GTF2I: variants seen among roughly 807,000 people sequenced by gnomAD.
The protein encoded by GTF2I is general transcription factor II-I.
A neutral mutation model predicts 67.6 loss-of-function variants in GTF2I; 12 were observed. The observed-to-expected ratio is 0.18, with a 90% CI of 0.11 to 0.29. The LOEUF (loss-of-function observed/expected upper bound fraction) is 0.29, where lower values mean the gene tolerates loss of function less well. Ranked by LOEUF, GTF2I falls within the 10% of genes least tolerant of loss-of-function variation. GTF2I has a pLI of 1.00. For synonymous variants in GTF2I, 149 were observed against 197.0 expected, an observed-to-expected ratio of 0.76 and a Z score of 2.04; for missense variants, 271 against 580.1, an observed-to-expected ratio of 0.47 and a Z score of 5.47.
At chr7:74,660,703 C>A (rs1804408324) in intron 1 of GTF2I, among the ~76,000 whole-genome samples, 1 of 147,348 alleles carries the variant, frequency 6.8e-6, no homozygotes, top group Non-Finnish European at 1.5e-5. Context: ...CTCACTGCAA[C>A]CTCCGCCTCC....
rs587641487 is a variant in GTF2I, at chr7:74,691,798, A to G, written c.238+687A>G. 2.0e-5 allele frequency among the ~76,000 whole-genome samples: 3 copies of G among 151,296 alleles called. No homozygotes were observed. In the South Asian group the frequency reaches 6.3e-4, roughly 32 times the overall value. ...TCTTTTTCTTTTTTTTTTTTGAGAC[A>G]GAGTTTCACTCTTGGCCCCCTGGGC... On this transcript the variant is annotated intron_variant, in intron 3 of 34. Transcript: ENST00000573035.
Position 74,657,756 on chromosome 7 carries a change from G to A in GTF2I, c.-318G>A. 6.6e-6 allele frequency: 1 copy of A among 151,656 alleles called. No individual in the cohort carries two copies. Among genetic ancestry groups the A allele is most frequent in the Non-Finnish European group, 1.5e-5 (1 of 68,144 alleles). 9.4% of individuals were successfully genotyped at this position (151,656 alleles called of 1,614,324 possible). A position where few individuals can be genotyped will look rare whatever the true frequency, so the allele number is the denominator to read the frequency against. On this transcript the variant is annotated 5_prime_UTR_variant, in exon 1 of 35. Coordinates refer to ENST00000573035, the MANE Select transcript of GTF2I (RefSeq NM_032999.4). ...GGAGAGCAGAGAAAAGGGGCCACCG[G>A]TCGCCCCCCCGCTTCCCCGCACGCG... is the stretch of plus-strand genomic sequence containing the variant.
intron 8 of GTF2I, among the ~76,000 whole-genome samples, chr7:74,707,031 G>T (rs1211779187): frequency 1.3e-5 from 2 of 152,060 alleles, no homozygotes; most frequent in African/African-American, 2.4e-5. Flanking sequence ...TGTATTTTTA[G>T]TAGCGACGGG....
chr7:74,685,461 C>T (rs1787626409), intron 1 of GTF2I, among the ~76,000 whole-genome samples: 1 of 152,034 alleles, frequency 6.6e-6, no homozygotes, highest in African/African-American at 2.4e-5. Context: ...AGCGCCATTG[C>T]ACTTCAGCCT....
chr7:74,704,110 TCACC>T (rs1790231556), intron 6 of GTF2I, among the ~76,000 whole-genome samples: 1 of 152,194 alleles, frequency 6.6e-6, no homozygotes, highest in East Asian at 1.9e-4. Flanking sequence ...ATAGCAGACA[TCACC>T]TTGTGATATT....
chr7:74,698,483 C>G (rs1191543571), intron 3 of GTF2I, among the ~76,000 whole-genome samples: 1 of 143,126 alleles, frequency 7.0e-6, no homozygotes, highest in Non-Finnish European at 1.5e-5. Context: ...TCGGCCCCAT[C>G]ATAGCTCACT....
intron 1 of GTF2I, among the ~76,000 whole-genome samples, chr7:74,681,450 GAAA>G (rs587675813): frequency 3.3e-5 from 5 of 150,702 alleles, no homozygotes; most frequent in African/African-American, 1.2e-4. Flanking sequence ...TAAAAAAAAA[GAAA>G]AAAAGAAAAA....
intron 1 of GTF2I, among the ~76,000 whole-genome samples, chr7:74,668,018 G>C (rs1805131467): frequency 1.3e-5 from 2 of 151,450 alleles, no homozygotes; most frequent in Admixed American, 1.3e-4. Context: ...ATTTTTAGTA[G>C]AGATGGGGTT....
intron 3 of GTF2I, 30 bp from the exon 4 acceptor site, chr7:74,698,931 T>A (rs1170825078): frequency 1.4e-5 from 16 of 1,147,776 alleles, no homozygotes; most frequent in African/African-American, 3.2e-5. Context: ...TATTATTATT[T>A]TTTTATTTTA....
chr7:74,700,579 GTT>G, intron 5 of GTF2I, 25 bp from the exon 6 acceptor site: 1 of 1,612,228 alleles, frequency 6.2e-7, no homozygotes, highest in South Asian at 1.1e-5. Context: ...TTCATACGAA[GTT>G]TTGTTTTGTT....
intron 3 of GTF2I, 22 bp from the exon 4 acceptor site, chr7:74,698,939 T>G: frequency 8.5e-7 from 1 of 1,178,322 alleles, no homozygotes; most frequent in South Asian, 2.2e-5. Flanking sequence ...TTTTTTTATT[T>G]TATTTTTTAT....
intron 6 of GTF2I, 21 bp from the exon 7 acceptor site, chr7:74,705,143 A>G (rs782204570): frequency 1.4e-5 from 18 of 1,244,356 alleles, no homozygotes; most frequent in South Asian, 2.6e-5. Context: ...ACTAACTCCA[A>G]TTTTTTTTTT....
At chr7:74,701,243 T>TA (rs781899407) in intron 6 of GTF2I, among the ~76,000 whole-genome samples, 2 of 152,096 alleles carry the variant, frequency 1.3e-5, no homozygotes, top group Non-Finnish European at 2.9e-5. Flanking sequence ...GGATAAAGAG[T>TA]AATACCCTTT....
At chr7:74,685,386 A>T (rs1469607083) in intron 1 of GTF2I, among the ~76,000 whole-genome samples, 3 of 152,108 alleles carry the variant, frequency 2.0e-5, no homozygotes, top group African/African-American at 7.2e-5. Flanking sequence ...AATCTCAGCT[A>T]CTCGGGAGGC....
At chr7:74,668,041 C>G (rs1170325404) in intron 1 of GTF2I, among the ~76,000 whole-genome samples, 1 of 151,608 alleles carries the variant, frequency 6.6e-6, no homozygotes, top group Non-Finnish European at 1.5e-5. Flanking sequence ...ACCATGTTAG[C>G]CAGGATGGTC....
In GTF2I at chr7:74,657,720, G is replaced by A. The variant is rs1362619630; in HGVS notation, c.-354G>A. Reference sequence around the variant, plus strand: ...AAAAGGAGGAGGAGGAGGAGGGTGAGAGAGAAGCTGGGAGAGCAGAGAAAA... The same window carrying A: ...AAAAGGAGGAGGAGGAGGAGGGTGAAAGAGAAGCTGGGAGAGCAGAGAAAA... On this transcript the variant is annotated 5_prime_UTR_variant, in exon 1 of 35. Coordinates refer to ENST00000573035, the MANE Select transcript of GTF2I (RefSeq NM_032999.4). 6.8e-6 allele frequency: 1 copy of A among 146,598 alleles called. No homozygotes were observed. Among genetic ancestry groups the A allele is most frequent in the African/African-American group, 2.5e-5 (1 of 39,514 alleles). The allele number at this position is 146,598 out of a possible 1,614,324, so 9.1% of individuals were successfully genotyped here.
At chr7:74,659,098 T>A (rs1375162334) in intron 1 of GTF2I, among the ~76,000 whole-genome samples, 4 of 152,038 alleles carry the variant, frequency 2.6e-5, no homozygotes, top group East Asian at 3.9e-4. Context: ...TTAAAAAAAA[T>A]TATTTGTGGA....
At chr7:74,685,111 A>C (rs587617744) in intron 1 of GTF2I, among the ~76,000 whole-genome samples, 2 of 152,364 alleles carry the variant, frequency 1.3e-5, no homozygotes, top group Non-Finnish European at 2.9e-5. Context: ...AACCAATTAG[A>C]GGCTGACTTG....
intron 1 of GTF2I, among the ~76,000 whole-genome samples, chr7:74,681,390 G>A (rs985693985): frequency 3.3e-5 from 5 of 151,898 alleles, no homozygotes; most frequent in Non-Finnish European, 7.4e-5. Context: ...AGCCGAGATC[G>A]TGCCATTGCA....
Sources: allele counts gnomAD v4.1 joint callset (sites outside exome capture counted in the v4.1 genomes callset), GRCh38; gene constraint gnomAD v4.1.1; transcripts MANE v1.5; gene names NCBI Gene and HGNC (gene_info 2026-07-23, HGNC 2026-07-21).